NEURL1B: variants seen among roughly 807,000 people sequenced by gnomAD.
NEURL1B encodes the protein neuralized E3 ubiquitin protein ligase 1B, also known as E3 ubiquitin-protein ligase NEURL1B.
In NEURL1B, 13 loss-of-function variants were observed where a neutral mutation model predicts 37.4. The observed-to-expected ratio is 0.35, with a 90% confidence interval of 0.23 to 0.55. NEURL1B has a LOEUF of 0.55. Among genes scored for constraint, NEURL1B ranks in the 20% least tolerant of loss-of-function variants. The pLI is 0.89. For synonymous variants in NEURL1B, 432 were observed against 426.6 expected (o/e 1.01, Z -0.16); for missense variants, 790 against 879.2 (o/e 0.90, Z 1.28).
chr5:172,683,736 G>A lies in NEURL1B; in HGVS notation c.895G>A (p.Ala299Thr). The A allele has an allele frequency of 1.2e-5, 16 of 1,342,004 alleles. No individual in the cohort carries two copies. Among genetic ancestry groups the A allele is most frequent in the Admixed American group, 3.2e-5 (1 of 31,282 alleles). The allele number at this position is 1,342,004 out of a possible 1,614,324, so 83.1% of individuals were successfully genotyped here. ...DVSLSADRKVACAPRPDGGRT... is the reference protein window; with the variant it reads ...DVSLSADRKVTCAPRPDGGRT... ...GAGCCTGTCGGCCGACCGCAAAGTG[G>A]CCTGCGCACCGCGGCCCGACGGCGG... The change falls in exon 3 of 5, where the codon GCC (alanine) becomes ACC (threonine). Residue 299 changes from alanine to threonine, a missense_variant. Physicochemically the swap from Ala to Thr is moderately conservative, Grantham distance 58. This residue lies in a region of NEURL1B where 460 missense variants were observed against 407.4 expected (regional missense o/e 1.13). Coordinates refer to ENST00000369800, the MANE Select transcript of NEURL1B (RefSeq NM_001142651.3). This position sits in a 1 kb window ranked among gnomAD's most constrained non-coding sequence, Gnocchi z 5.6.
At chr5:172,650,620 A>G (rs1047964637) in intron 1 of NEURL1B, among the ~76,000 whole-genome samples, 1 of 152,240 alleles carries the variant, frequency 6.6e-6, no homozygotes, top group African/African-American at 2.4e-5. Flanking sequence ...TGTTATACAC[A>G]AAGTTTTGGT....
At chr5:172,684,799 A>T (rs944379326) in intron 3 of NEURL1B, among the ~76,000 whole-genome samples, 3 of 152,296 alleles carry the variant, frequency 2.0e-5, no homozygotes, top group South Asian at 2.1e-4. Context: ...CAGACACCCT[A>T]AAGGAGAGTT....
intron 2 of NEURL1B, among the ~76,000 whole-genome samples, chr5:172,673,814 CAAAAA>C (rs34986749): frequency 1.6e-5 from 2 of 124,426 alleles, no homozygotes; most frequent in African/African-American, 3.0e-5. Flanking sequence ...CGTACTTATG[CAAAAA>C]AAAAAAAAAA....
chr5:172,680,142 TTTGAGCAC>T (rs1421997017), intron 2 of NEURL1B, among the ~76,000 whole-genome samples: 16 of 152,212 alleles, frequency 1.1e-4, no homozygotes, highest in Admixed American at 1.3e-4. Context: ...TAATTAATGT[TTTGAGCAC>T]TTAGTGCCAT....
intron 2 of NEURL1B, 117 bp downstream of exon 2, chr5:172,670,447 C>A: frequency 1.2e-6 from 1 of 827,374 alleles, no homozygotes; most frequent in African/African-American, 1.8e-5. Context: ...AGGCGTGGCA[C>A]TAAGCGCTTT....
At position 172,691,079 on chromosome 5, in the gene NEURL1B, G is replaced by A. The variant is rs772412062; in HGVS notation, c.*4154G>A. 1.3e-4 allele frequency: 20 copies of A among 152,150 alleles called. No homozygotes were observed. The highest frequency in any genetic ancestry group is 2.2e-4 in the Non-Finnish European group (15 of 68,024). The allele number at this position is 152,150 out of a possible 1,614,324, so 9.4% of individuals were successfully genotyped here. A position where few individuals can be genotyped will look rare whatever the true frequency, so the allele number is the denominator to read the frequency against. On this transcript the variant is annotated 3_prime_UTR_variant, in exon 5 of 5. Transcript: ENST00000369800. Reference sequence around the variant, plus strand: ...GTCTTATCCGAGTCCCTAATGAAACGACTTGTGTGACAATCTGTCTGTGCC... The same window carrying A: ...GTCTTATCCGAGTCCCTAATGAAACAACTTGTGTGACAATCTGTCTGTGCC...
At chr5:172,684,437 C>T (rs2113335591) in intron 3 of NEURL1B, among the ~76,000 whole-genome samples, 1 of 152,172 alleles carries the variant, frequency 6.6e-6, no homozygotes. Flanking sequence ...AAACCACCGA[C>T]CTAGATAGGT....
At chr5:172,658,480 C>T (rs1310764616) in intron 1 of NEURL1B, among the ~76,000 whole-genome samples, 3 of 152,146 alleles carry the variant, frequency 2.0e-5, no homozygotes, top group East Asian at 3.9e-4. Context: ...CAGAGAAGGA[C>T]GAGACACGCA....
intron 2 of NEURL1B, 31 bp downstream of exon 2, chr5:172,670,361 C>T: frequency 1.5e-6 from 2 of 1,337,616 alleles, no homozygotes; most frequent in Non-Finnish European, 1.9e-6. Flanking sequence ...CCCCTGGGGA[C>T]CTGGCAGCGG....
In NEURL1B at chr5:172,686,195, C is replaced by A; in HGVS notation, c.1322C>A (p.Thr441Asn). 1 of 1,551,684 alleles carries A rather than the reference C, an allele frequency of 6.4e-7. No individual in the cohort carries two copies. The highest frequency in any genetic ancestry group is 8.7e-7 in the Non-Finnish European group (1 of 1,146,974). ...GGTACCCTGCAGTCCAGCCCTGCGA[C>A]CACGACTCCATCAGGGTCCCTCAGC... ...LLGTLQSSPA[T>N]TTPSGSLSGS... The change falls in exon 4 of 5, where the codon ACC (threonine) becomes AAC (asparagine). Residue 441 changes from threonine (T) to asparagine (N), a missense_variant. Physicochemically the swap from Thr to Asn is moderately conservative, Grantham distance 65. This residue lies in a region of NEURL1B where 460 missense variants were observed against 407.4 expected (regional missense o/e 1.13). Coordinates refer to ENST00000369800, the MANE Select transcript of NEURL1B (RefSeq NM_001142651.3). This position sits in a 1 kb window ranked among gnomAD's most constrained non-coding sequence, Gnocchi z 7.9.
At chr5:172,684,250 C>T in intron 3 of NEURL1B, 112 bp downstream of exon 3, 3 of 958,966 alleles carry the variant, frequency 3.1e-6, no homozygotes, top group Non-Finnish European at 4.0e-6. Flanking sequence ...CTGCACCGCC[C>T]GAGGCCAGCC....
In NEURL1B at chr5:172,641,519, C is replaced by A; in HGVS notation, c.31+82C>A. On this transcript the variant is annotated intron_variant, in intron 1 of 4. Coordinates refer to ENST00000369800, the MANE Select transcript of NEURL1B (RefSeq NM_001142651.3). The surrounding 1 kb of genome is among the most constrained non-coding windows in gnomAD (Gnocchi z 6.4). ...CCCGCTGGGTGACTCTGGAGAGCTA[C>A]CCCACGGCCCTTGGAGCCCTCGGCT... 1 of 1,150,554 alleles carries A rather than the reference C, an allele frequency of 8.7e-7. No homozygotes were observed. Among genetic ancestry groups the A allele is most frequent in the Non-Finnish European group, 1.1e-6 (1 of 909,336 alleles). 71.3% of individuals were successfully genotyped at this position (1,150,554 alleles called of 1,614,324 possible).
intron 1 of NEURL1B, among the ~76,000 whole-genome samples, chr5:172,656,912 A>G (rs1057429612): frequency 6.6e-6 from 1 of 152,204 alleles, no homozygotes; most frequent in African/African-American, 2.4e-5. Flanking sequence ...TTCTAGGTGA[A>G]GTCCAAATCC....
Position 172,688,326 on chromosome 5 carries a change from C to T in NEURL1B, c.*1401C>T, listed in dbSNP as rs1354002522. ...CTAGAACCTGACAACTCCAGGAGTT[C>T]TTGGGAGGACCAGTACAACGTTCTA... On this transcript the variant is annotated 3_prime_UTR_variant, in exon 5 of 5. Coordinates refer to ENST00000369800, the MANE Select transcript of NEURL1B (RefSeq NM_001142651.3). This position sits in a 1 kb window ranked among gnomAD's most constrained non-coding sequence, Gnocchi z 4.3. The T allele has an allele frequency of 6.5e-6, 1 of 152,800 alleles. No homozygotes were observed. The highest frequency in any genetic ancestry group is 2.4e-5 in the African/African-American group (1 of 41,466). The allele number at this position is 152,800 out of a possible 1,614,324, so 9.5% of individuals were successfully genotyped here.
intron 2 of NEURL1B, among the ~76,000 whole-genome samples, chr5:172,677,958 C>T (rs971339000): frequency 1.3e-5 from 2 of 152,168 alleles, no homozygotes; most frequent in African/African-American, 4.8e-5. Context: ...GGCGTGAGTC[C>T]CTGCCCATCA....
At chr5:172,652,886 C>T (rs6556035) in intron 1 of NEURL1B, among the ~76,000 whole-genome samples, 83,141 of 152,064 alleles carry the variant, frequency 0.55, 23,310 homozygotes, top group African/African-American at 0.64. Context: ...TAGCTTTAGT[C>T]TGGAAGGGTT....
Position 172,641,752 on chromosome 5 carries a change from T to C in NEURL1B, c.31+315T>C, listed in dbSNP as rs928990119. Among the ~76,000 whole-genome samples, 11 of 152,114 alleles carry C rather than the reference T, an allele frequency of 7.2e-5. No individual in the cohort carries two copies. The highest frequency in any genetic ancestry group is 1.5e-4 in the Non-Finnish European group (10 of 67,996). On this transcript the variant is annotated intron_variant, in intron 1 of 4. Transcript: ENST00000369800. The surrounding 1 kb of genome is among the most constrained non-coding windows in gnomAD (Gnocchi z 6.4). ...CGCCTTTGTTCCAGCCCGAGGGCGC[T>C]GATGAGCAAACTCAAGGCGACCTGG...
chr5:172,674,522 C>G (rs1365120965), intron 2 of NEURL1B, among the ~76,000 whole-genome samples: 1 of 152,054 alleles, frequency 6.6e-6, no homozygotes, highest in Non-Finnish European at 1.5e-5. Context: ...GTATTTAGTT[C>G]GCATTGTGCT....
chr5:172,666,403 G>A (rs540181758), intron 1 of NEURL1B, among the ~76,000 whole-genome samples: 60 of 152,326 alleles, frequency 3.9e-4, no homozygotes, highest in Non-Finnish European at 7.9e-4. Context: ...CATGGCACAT[G>A]ACCAACCTAG....
Sources: gnomAD v4.1 joint callset for allele counts (sites outside exome capture counted in the v4.1 genomes callset) on GRCh38, gnomAD v4.1.1 for gene constraint, gnomAD v4.1.1 regional missense constraint, Gnocchi (gnomAD v3.1) non-coding constraint, MANE v1.5 for transcripts, NCBI Gene and HGNC (gene_info 2026-07-23, HGNC 2026-07-21) for gene names.